The following CFAP206 variants were observed in gnomAD, a reference collection of about 807,000 sequenced individuals.
CFAP206 encodes cilia- and flagella-associated protein 206.
A neutral mutation model predicts 65.4 loss-of-function variants in CFAP206; 53 were observed. The ratio of observed to expected loss-of-function variants is 0.81; its 90% CI spans 0.65 to 1.02. The LOEUF (loss-of-function observed/expected upper bound fraction) is 1.02. Among genes scored for constraint, CFAP206 ranks in the 50% least tolerant of loss-of-function variants. The pLI is 0.00. For missense variants in CFAP206, 663 were observed against 753.2 expected (o/e 0.88, Z 1.40); for synonymous variants, 250 against 254.4 (o/e 0.98, Z 0.17).
intron 1 of CFAP206, 50 bp from the exon 2 acceptor site, chr6:87,409,785 A>C (rs909260143): frequency 8.4e-7 from 1 of 1,195,690 alleles, no homozygotes; most frequent in East Asian, 2.4e-5. Context: ...GAAAAAAATA[A>C]ATTTGCATAA....
chr6:87,444,148 A>G (rs565877103), intron 11 of CFAP206, among the ~76,000 whole-genome samples: 3 of 152,324 alleles, frequency 2.0e-5, no homozygotes, highest in African/African-American at 7.2e-5. Flanking sequence ...GAATATTTTT[A>G]AGGTTTAAAA....
intron 9 of CFAP206, 136 bp downstream of exon 9, chr6:87,428,960 G>T: frequency 6.7e-6 from 6 of 900,884 alleles, no homozygotes; most frequent in Non-Finnish European, 1.0e-5. Flanking sequence ...ACTAATGAGG[G>T]CCGGGTGTGG....
At chr6:87,458,205 C>G (rs991171754) in intron 11 of CFAP206, among the ~76,000 whole-genome samples, 10 of 152,012 alleles carry the variant, frequency 6.6e-5, no homozygotes, top group Non-Finnish European at 1.3e-4. Context: ...AAAGGGAACC[C>G]TAGTACACTG....
chr6:87,430,942 A>G, intron 9 of CFAP206, 91 bp from the exon 10 acceptor site: 1 of 1,193,600 alleles, frequency 8.4e-7, no homozygotes. Context: ...AGCAATAAAA[A>G]GGTAATGTTT....
chr6:87,447,758 G>A (rs922621178), intron 11 of CFAP206, among the ~76,000 whole-genome samples: 2 of 152,070 alleles, frequency 1.3e-5, no homozygotes, highest in East Asian at 1.9e-4. Flanking sequence ...AAATGGTACC[G>A]GTTTCTCCTT....
At position 87,431,586 on chromosome 6, in the gene CFAP206, C is replaced by T. The variant is rs761206256; in HGVS notation, c.1300+413C>T. On this transcript the variant is annotated intron_variant, in intron 10 of 12. Transcript: ENST00000369562. ...TTGGAGATCAGCCTGGCCAACATGT[C>T]GAAACCCTGTCTTTACTAAAAATAC... 1.1e-4 allele frequency among the ~76,000 whole-genome samples: 16 copies of T among 151,962 alleles called. No homozygotes were observed. In the South Asian group the frequency reaches 2.5e-3, roughly 24 times the overall value.
rs1309065123 is a variant in CFAP206, at chr6:87,443,758, A to G, written c.1494+8705A>G. 2.0e-5 allele frequency among the ~76,000 whole-genome samples: 3 copies of G among 152,178 alleles called. No homozygotes were observed. The East Asian group carries it at 5.8e-4, about 29-fold the overall frequency. The stretch of plus-strand genomic sequence containing the variant: ...TGAGCATAGTACCCAACAGTTTTTC[A>G]GCCCTTGCCCTCCTCTCTCTCTCCC... On this transcript the variant is annotated intron_variant, in intron 11 of 12. Coordinates refer to ENST00000369562, the MANE Select transcript of CFAP206 (RefSeq NM_001031743.3).
chr6:87,415,162 A>G (rs1010918905), intron 4 of CFAP206, among the ~76,000 whole-genome samples: 13 of 152,100 alleles, frequency 8.5e-5, no homozygotes, highest in Admixed American at 8.5e-4. Context: ...CGTATTATCA[A>G]TAATGCTTTT....
At position 87,454,418 on chromosome 6, in the gene CFAP206, G is replaced by A. The variant is rs114409936; in HGVS notation, c.1495-6604G>A. 1.0e-2 allele frequency among the ~76,000 whole-genome samples: 1,516 copies of A among 152,230 alleles called. 32 individuals carry two copies. Among genetic ancestry groups the A allele is most frequent in the African/African-American group, 0.035 (1,436 of 41,526 alleles). On this transcript the variant is annotated intron_variant, in intron 11 of 12. Coordinates refer to ENST00000369562, the MANE Select transcript of CFAP206 (RefSeq NM_001031743.3). ...CTTACAGTACATTTTGTTCAAAGGC[G>A]ACAGAATACATATTCTTTTCCTTAG...
chr6:87,418,211 C>G lies in CFAP206; in HGVS notation c.635C>G (p.Pro212Arg). ...CTTTTCATACTCTTACAAACAGTGC[C>G]AGCTGTTCTCCATGTAGCAATCCCA... ...GKGGEGIDDL[P>R]AVLHVAIPAT... The change falls in exon 7 of 13, where the codon CCA becomes CGA. Residue 212 changes from proline to arginine, a missense_variant. Physicochemically the swap from Pro to Arg is moderately radical, Grantham distance 103 (BLOSUM62 -2). Transcript: ENST00000369562. 1 of 1,614,002 alleles carries G rather than the reference C, an allele frequency of 6.2e-7. No homozygotes were observed. Among genetic ancestry groups the G allele is most frequent in the Non-Finnish European group, 8.5e-7 (1 of 1,179,962 alleles).
At chr6:87,448,262 C>T (rs1383710396) in intron 11 of CFAP206, among the ~76,000 whole-genome samples, 2 of 152,158 alleles carry the variant, frequency 1.3e-5, no homozygotes, top group African/African-American at 4.8e-5. Flanking sequence ...TCAAGCAATC[C>T]TCCTGCCTTG....
At chr6:87,416,413 A>G (rs557086346) in intron 5 of CFAP206, among the ~76,000 whole-genome samples, 9 of 152,226 alleles carry the variant, frequency 5.9e-5, no homozygotes, top group Admixed American at 2.6e-4. Context: ...GCTTGTTTTC[A>G]TGCCCATTGC....
intron 12 of CFAP206, among the ~76,000 whole-genome samples, chr6:87,463,212 A>C (rs1562012633): frequency 6.6e-6 from 1 of 152,246 alleles, no homozygotes; most frequent in Non-Finnish European, 1.5e-5. Flanking sequence ...TGAAATGAGC[A>C]ATCAAGTTAT....
chr6:87,432,195 G>T (rs755891917), intron 10 of CFAP206, among the ~76,000 whole-genome samples: 1 of 151,356 alleles, frequency 6.6e-6, no homozygotes, highest in South Asian at 2.1e-4. Flanking sequence ...TTCACAATTG[G>T]GTATTTTTTC....
At chr6:87,435,281 C>T (rs1768241475) in intron 11 of CFAP206, 1 of 366,712 alleles carries the variant, frequency 2.7e-6, no homozygotes, top group South Asian at 4.0e-5. Context: ...TGGGGAAAAT[C>T]TGAATCAGAA....
At chr6:87,436,204 A>G (rs1467151437) in intron 11 of CFAP206, 2 of 148,624 alleles carry the variant, frequency 1.3e-5, no homozygotes, top group African/African-American at 2.5e-5. Flanking sequence ...TCCTGTCTCA[A>G]CTTTCTGAGT....
intron 11 of CFAP206, among the ~76,000 whole-genome samples, chr6:87,448,237 C>T (rs547180200): frequency 1.4e-3 from 218 of 152,150 alleles, no homozygotes; most frequent in Admixed American, 4.3e-3. Context: ...CCCACTGCAG[C>T]CTCAAACTCC....
chr6:87,450,819 A>G (rs1360622779), intron 11 of CFAP206, among the ~76,000 whole-genome samples: 1 of 152,140 alleles, frequency 6.6e-6, no homozygotes, highest in African/African-American at 2.4e-5. Context: ...TTAATTGCCT[A>G]TACTACCCCT....
chr6:87,409,521 CTT>C (rs71554717), intron 1 of CFAP206, among the ~76,000 whole-genome samples: 1,693 of 137,880 alleles, frequency 0.012, 31 homozygotes, highest in African/African-American at 0.041. Context: ...CCTGCTTAGC[CTT>C]TTTTTTTTTT....
Sources: gnomAD v4.1 joint callset for allele counts (sites outside exome capture counted in the v4.1 genomes callset) on GRCh38, gnomAD v4.1.1 for gene constraint, MANE v1.5 for transcripts, NCBI Gene and HGNC (gene_info 2026-07-23, HGNC 2026-07-21) for gene names.